Variants in ATIC observed in about 807,000 individuals in gnomAD.
ATIC encodes the protein bifunctional purine biosynthesis protein ATIC.
A neutral mutation model predicts 72.5 loss-of-function variants in ATIC; 64 were observed. That is an observed-to-expected ratio of 0.88 (90% CI 0.72 to 1.09). The LOEUF (loss-of-function observed/expected upper bound fraction) is 1.09, where lower values mean the gene tolerates loss of function less well. ATIC is among the 50% of genes least tolerant of loss of function. The pLI is 0.00. For synonymous variants in ATIC, 281 were observed against 267.1 expected (o/e 1.05, Z -0.51); for missense variants, 787 against 732.4 (o/e 1.07, Z -0.86).
chr2:215,315,457 G>A (rs1463077903), intron 2 of ATIC, among the ~76,000 whole-genome samples: 1 of 152,100 alleles, frequency 6.6e-6, no homozygotes, highest in East Asian at 1.9e-4. Flanking sequence ...CCCAGGCTGA[G>A]GCAATCCTTC....
chr2:215,330,147 G>A (rs913843232), intron 7 of ATIC, among the ~76,000 whole-genome samples: 1 of 152,176 alleles, frequency 6.6e-6, no homozygotes, highest in Non-Finnish European at 1.5e-5. Flanking sequence ...ATGAGGAGTG[G>A]GAGGGAGATG....
At chr2:215,363,390 G>GA in the ATIC span, 1 of 152,032 alleles carries the variant, frequency 6.6e-6, no homozygotes, top group Non-Finnish European at 1.5e-5. Flanking sequence ...GAGAGAGAGA[G>GA]AGAGAGACAG....
At position 215,312,130 on chromosome 2, in the gene ATIC, A is replaced by G. The variant is rs772116288; in HGVS notation, c.-13A>G. 139 of 1,528,024 alleles carry G rather than the reference A, an allele frequency of 9.1e-5. No individual in the cohort carries two copies. The highest frequency in any genetic ancestry group is 9.0e-5 in the Non-Finnish European group (103 of 1,144,052). 94.7% of individuals were successfully genotyped at this position (1,528,024 alleles called of 1,614,324 possible). A position where few individuals can be genotyped will look rare whatever the true frequency, so the allele number is the denominator to read the frequency against. ...GCTGCCTCCCGCTCGCCCTGAACCC[A>G]GTGCCTGCAGCCATGGCTCCCGGCC... is the stretch of plus-strand genomic sequence containing the variant. On this transcript the variant is annotated 5_prime_UTR_variant, in exon 1 of 16. Transcript: ENST00000236959.
chr2:215,322,391 G>A (rs1471203444), intron 4 of ATIC, among the ~76,000 whole-genome samples: 3 of 148,766 alleles, frequency 2.0e-5, no homozygotes, highest in Non-Finnish European at 4.4e-5. Context: ...GTGCAGTGGC[G>A]TGATCTCGGC....
chr2:215,312,676 A>G (rs2052667119), intron 2 of ATIC, 52 bp downstream of exon 2: 1 of 1,613,518 alleles, frequency 6.2e-7, no homozygotes, highest in Non-Finnish European at 8.5e-7. Context: ...TTAACCAGGA[A>G]GTATTGTATT....
chr2:215,362,931 G>T, the ATIC span: 3 of 152,406 alleles, frequency 2.0e-5, no homozygotes, highest in African/African-American at 7.2e-5. Flanking sequence ...AGCCCCTGAA[G>T]CCGGTGGGTC....
At chr2:215,330,107 C>G (rs1340206192) in intron 7 of ATIC, among the ~76,000 whole-genome samples, 1 of 152,176 alleles carries the variant, frequency 6.6e-6, no homozygotes, top group Non-Finnish European at 1.5e-5. Context: ...AAAGTTTTCT[C>G]CCACTTATCA....
chr2:215,364,668 TCTA>T, the ATIC span: 1 of 599,466 alleles, frequency 1.7e-6, no homozygotes, highest in Non-Finnish European at 3.0e-6. Flanking sequence ...ATTCATTCTT[TCTA>T]CTAAGAGTAA....
chr2:215,355,788 C>T, the ATIC span, among the ~76,000 whole-genome samples: 1 of 152,224 alleles, frequency 6.6e-6, no homozygotes, highest in Admixed American at 6.5e-5. Context: ...TAGAAGGCCC[C>T]CACATTCCTG....
At chr2:215,332,131 CGTGTGTGTGTGTGT>C (rs71044585) in intron 7 of ATIC, among the ~76,000 whole-genome samples, 34,200 of 142,150 alleles carry the variant, frequency 0.24, 4,718 homozygotes, top group South Asian at 0.45. Flanking sequence ...GTCCTCCAGT[CGTGTGTGTGTGTGT>C]GTGTGTGTGT....
rs1479160861 is a variant in ATIC, at chr2:215,331,002, C to T, written c.689-1380C>T. ...TTTCTTAATGCTGAATAATATTTCA[C>T]TGTGTATGAATGTACCACAGTTTAT... On this transcript the variant is annotated intron_variant, in intron 7 of 15. Coordinates refer to ENST00000236959, the MANE Select transcript of ATIC (RefSeq NM_004044.7). 1.3e-5 allele frequency among the ~76,000 whole-genome samples: 2 copies of T among 152,162 alleles called. 1 individual carries two copies. Among genetic ancestry groups the T allele is most frequent in the Non-Finnish European group, 2.9e-5 (2 of 68,042 alleles).
chr2:215,312,505 T>A lies in ATIC; in HGVS notation c.27T>A (p.Phe9Leu), dbSNP rs374408961. Residue 9 changes from phenylalanine to leucine, a missense_variant, in exon 2 of 16, where the codon TTT becomes TTA. Coordinates refer to ENST00000236959, the MANE Select transcript of ATIC (RefSeq NM_004044.7). ...AAATGTCTTCTCTTTCAGCCTTATT[T>A]AGTGTCTCTGACAAAACCGGCCTTG... MAPGQLALFSVSDKTGLVE... is the reference protein window; with the variant it reads MAPGQLALLSVSDKTGLVE... 6.2e-7 allele frequency: 1 copy of A among 1,614,184 alleles called. No homozygotes were observed. The highest frequency in any genetic ancestry group is 8.5e-7 in the Non-Finnish European group (1 of 1,180,022).
Position 215,343,191 on chromosome 2 carries a change from G to GTAGC in ATIC, c.1228-1587_1228-1584dup, listed in dbSNP as rs2053038193. On this transcript the variant is annotated intron_variant, in intron 12 of 15. Transcript: ENST00000236959. Reference sequence around the variant, plus strand: ...TTTTTTAAAGACATGGGATAGTTGTGTAGCAATCTCTCACTGATTTTAATT... The same window carrying GTAGC: ...TTTTTTAAAGACATGGGATAGTTGTGTAGCTAGCAATCTCTCACTGATTTTAATT... Among the ~76,000 whole-genome samples the GTAGC allele has an allele frequency of 2.0e-5, 3 of 150,376 alleles. No individual in the cohort carries two copies. In the South Asian group the frequency reaches 6.3e-4, roughly 32 times the overall value.
intron 2 of ATIC, among the ~76,000 whole-genome samples, chr2:215,313,097 A>G (rs1037527537): frequency 6.6e-6 from 1 of 152,202 alleles, no homozygotes; most frequent in Non-Finnish European, 1.5e-5. Context: ...ACCCTGGACA[A>G]CACACTGGAC....
At chr2:215,356,062 A>G in the ATIC span, among the ~76,000 whole-genome samples, 1 of 152,212 alleles carries the variant, frequency 6.6e-6, no homozygotes, top group African/African-American at 2.4e-5. Flanking sequence ...ATGTTTAGTG[A>G]TTCACATTGC....
intron 3 of ATIC, among the ~76,000 whole-genome samples, chr2:215,319,126 C>A (rs1408677963): frequency 6.6e-6 from 1 of 152,120 alleles, no homozygotes; most frequent in African/African-American, 2.4e-5. Flanking sequence ...AGCGATCCCC[C>A]ACCTTAGCCT....
intron 12 of ATIC, among the ~76,000 whole-genome samples, chr2:215,339,485 C>T (rs1188975048): frequency 6.6e-6 from 1 of 152,154 alleles, no homozygotes; most frequent in Non-Finnish European, 1.5e-5. Flanking sequence ...CACTGCACTC[C>T]TCTCTGGGTG....
intron 7 of ATIC, 76 bp downstream of exon 7, chr2:215,327,054 G>T: frequency 6.3e-7 from 1 of 1,598,540 alleles, no homozygotes; most frequent in Non-Finnish European, 8.6e-7. Context: ...ATCTGATGTG[G>T]TTCACATTCA....
intron 2 of ATIC, among the ~76,000 whole-genome samples, chr2:215,313,181 G>T (rs1203758551): frequency 1.3e-5 from 2 of 152,218 alleles, no homozygotes; most frequent in Non-Finnish European, 2.9e-5. Context: ...TGCTGTTCCT[G>T]ATTTTAGGAC....
Sources: allele counts gnomAD v4.1 joint callset (sites outside exome capture counted in the v4.1 genomes callset), GRCh38; gene constraint gnomAD v4.1.1; transcripts MANE v1.5; gene names NCBI Gene and HGNC (gene_info 2026-07-23, HGNC 2026-07-21).